Variants in ADGRV1 observed in about 807,000 individuals in gnomAD.
ADGRV1 encodes the protein G-protein coupled receptor 98.
A neutral mutation model predicts 596.2 loss-of-function variants in ADGRV1; 359 were observed. That is an observed-to-expected ratio of 0.60 (90% CI 0.55 to 0.66). The LOEUF (loss-of-function observed/expected upper bound fraction) is 0.66, where lower values mean the gene tolerates loss of function less well. Among genes scored for constraint, ADGRV1 ranks in the 30% least tolerant of loss-of-function variants. The pLI, the probability that ADGRV1 is intolerant of heterozygous loss-of-function variation, is 0.00. For synonymous variants in ADGRV1, 2,681 were observed against 2,679.2 expected, an observed-to-expected ratio of 1.00 and a Z score of -0.02; for missense variants, 7,274 against 7,575.6, an observed-to-expected ratio of 0.96 and a Z score of 1.48.
chr5:90,774,270 T>C lies in ADGRV1; in HGVS notation c.12370T>C (p.Ser4124Pro). ...EDRRFTIQLISIDEVEISPVK... is the reference protein window; with the variant it reads ...EDRRFTIQLIPIDEVEISPVK... The stretch of plus-strand genomic sequence containing the variant: ...CAGGCGTTTCACCATTCAGCTGATA[T>C]CAATTGATGAGGTAGAAATATCTCC... The change falls in exon 60 of 90, where the codon TCA becomes CCA. Residue 4124 changes from serine to proline, a missense_variant. Transcript: ENST00000405460. 1 of 1,599,748 alleles carries C rather than the reference T, an allele frequency of 6.3e-7. No individual in the cohort carries two copies. The highest frequency in any genetic ancestry group is 1.1e-5 in the South Asian group (1 of 90,758).
chr5:90,807,865 C>A, intron 73 of ADGRV1, 128 bp downstream of exon 73: 1 of 811,052 alleles, frequency 1.2e-6, no homozygotes, highest in Non-Finnish European at 1.8e-6. Flanking sequence ...TAGTGTAGAG[C>A]ATCACGTGGC....
chr5:91,080,588 CAAAAAAAA>C (rs10696264), intron 86 of ADGRV1, among the ~76,000 whole-genome samples: 37 of 84,466 alleles, frequency 4.4e-4, no homozygotes, highest in African/African-American at 1.6e-3. Flanking sequence ...GCACACCCTG[CAAAAAAAA>C]AAAAAAAAAA....
At chr5:90,562,773 A>G (rs1161688254) in intron 1 of ADGRV1, among the ~76,000 whole-genome samples, 1 of 152,240 alleles carries the variant, frequency 6.6e-6, no homozygotes, top group East Asian at 1.9e-4. Context: ...TAATACTCAC[A>G]AAATTATTAA....
chr5:90,597,663 A>G (rs1760865759), intron 1 of ADGRV1, among the ~76,000 whole-genome samples: 1 of 152,060 alleles, frequency 6.6e-6, no homozygotes. Flanking sequence ...CAGGCTGAGA[A>G]TGGGAAGTTG....
At chr5:90,635,517 G>C (rs1766072602) in intron 10 of ADGRV1, among the ~76,000 whole-genome samples, 4 of 152,138 alleles carry the variant, frequency 2.6e-5, no homozygotes, top group Admixed American at 2.6e-4. Context: ...CTCACAGTGA[G>C]TGTCGGATAT....
chr5:90,801,459 T>G (rs1030202356), intron 70 of ADGRV1, among the ~76,000 whole-genome samples: 1 of 151,972 alleles, frequency 6.6e-6, no homozygotes, highest in East Asian at 1.9e-4. Context: ...GCCAGTGACT[T>G]TCATGGGGGG....
intron 6 of ADGRV1, chr5:90,626,023 A>G (rs1764709359): frequency 6.6e-6 from 1 of 152,240 alleles, no homozygotes; most frequent in Non-Finnish European, 1.5e-5. Context: ...ATGAATCTGA[A>G]CAATAATGTG....
chr5:91,017,835 A>T (rs2151173830), intron 85 of ADGRV1, among the ~76,000 whole-genome samples: 1 of 151,956 alleles, frequency 6.6e-6, no homozygotes, highest in African/African-American at 2.4e-5. Context: ...AGCACTTTGA[A>T]CAAGTCCTCA....
chr5:90,609,993 T>G (rs898050209), intron 1 of ADGRV1, among the ~76,000 whole-genome samples: 1 of 152,020 alleles, frequency 6.6e-6, no homozygotes, highest in African/African-American at 2.4e-5. Context: ...TTTCATTGTC[T>G]TCTATTGGGT....
chr5:90,914,812 T>C (rs1773200930), intron 83 of ADGRV1, among the ~76,000 whole-genome samples: 1 of 152,166 alleles, frequency 6.6e-6, no homozygotes, highest in African/African-American at 2.4e-5. Flanking sequence ...ACATTCCTTT[T>C]CTAATAAGCA....
In ADGRV1 at chr5:91,104,080, T is replaced by C. The variant is rs544338482; in HGVS notation, c.18432+1740T>C. On this transcript the variant is annotated intron_variant, in intron 87 of 89. Coordinates refer to ENST00000405460, the MANE Select transcript of ADGRV1 (RefSeq NM_032119.4). ...ATTTTTCTTTGTATTGTTCTAATTT[T>C]TTTAATTTTGTCAATTAATTTTTTT... Among the ~76,000 whole-genome samples the C allele has an allele frequency of 7.2e-5, 11 of 152,320 alleles. No individual in the cohort carries two copies. The South Asian group carries it at 1.9e-3, about 26-fold the overall frequency.
At chr5:91,137,615 A>G (rs865938481) in intron 87 of ADGRV1, among the ~76,000 whole-genome samples, 1 of 152,240 alleles carries the variant, frequency 6.6e-6, no homozygotes, top group African/African-American at 2.4e-5. Flanking sequence ...AAAGATTAAA[A>G]TATTTGGAAG....
chr5:90,794,721 C>T (rs1289112915), intron 70 of ADGRV1, among the ~76,000 whole-genome samples: 1 of 152,168 alleles, frequency 6.6e-6, no homozygotes, highest in Non-Finnish European at 1.5e-5. Flanking sequence ...CTCTGGTCTG[C>T]AGCTCCCAGT....
At position 90,653,384 on chromosome 5, in the gene ADGRV1, C is replaced by A. The variant is rs765714920; in HGVS notation, c.3810C>A (p.Thr1270=). 1 of 1,613,884 alleles carries A rather than the reference C, an allele frequency of 6.2e-7. No individual in the cohort carries two copies. Among genetic ancestry groups the A allele is most frequent in the East Asian group, 2.2e-5 (1 of 44,876 alleles). Reference sequence around the variant, plus strand: ...ATATGTCTTATATTACCAACTTCACCATTTTGAGGCAGCAGGGTGTGTTTG... The same window carrying A: ...ATATGTCTTATATTACCAACTTCACAATTTTGAGGCAGCAGGGTGTGTTTG... The part of the protein sequence containing the change: ...EDDMSYITNF[T]ILRQQGVFGD... Residue 1270 remains threonine (T), a synonymous_variant, in exon 20 of 90, where the codon ACC becomes ACA. Coordinates refer to ENST00000405460, the MANE Select transcript of ADGRV1 (RefSeq NM_032119.4).
chr5:91,016,047 G>A (rs1459805620), intron 85 of ADGRV1, among the ~76,000 whole-genome samples: 1 of 151,932 alleles, frequency 6.6e-6, no homozygotes. Flanking sequence ...CTCTTGTAAG[G>A]CAGGTCTGAT....
intron 83 of ADGRV1, among the ~76,000 whole-genome samples, chr5:90,958,283 C>CAAAAAAAAAAAAAAAAAAAAAAAAA (rs34676985): frequency 1.4e-5 from 1 of 72,840 alleles, no homozygotes; most frequent in Non-Finnish European, 2.7e-5. Flanking sequence ...GACCTTGTCT[C>CAAAAAAAAAAAAAAAAAAAAAAAAA]AAAAAAAAAA....
intron 87 of ADGRV1, among the ~76,000 whole-genome samples, chr5:91,131,064 G>GTGC (rs1433570396): frequency 2.0e-5 from 3 of 152,346 alleles, no homozygotes; most frequent in African/African-American, 7.2e-5. Flanking sequence ...ATTGTGAATA[G>GTGC]TGCTGTGATA....
chr5:90,610,940 T>C (rs188160315), intron 1 of ADGRV1, among the ~76,000 whole-genome samples: 7 of 152,104 alleles, frequency 4.6e-5, no homozygotes, highest in South Asian at 2.1e-4. Flanking sequence ...ATTATCACAA[T>C]CCCAAATACA....
chr5:90,711,358 A>C lies in ADGRV1; in HGVS notation c.9042+36A>C, dbSNP rs199757407. The C allele has an allele frequency of 4.1e-5, 62 of 1,516,596 alleles. No homozygotes were observed. In the African/African-American group the frequency reaches 6.2e-4, roughly 15 times the overall value. 93.9% of individuals were successfully genotyped at this position (1,516,596 alleles called of 1,614,324 possible). A position where few individuals can be genotyped will look rare whatever the true frequency, so the allele number is the denominator to read the frequency against. Reference sequence around the variant, plus strand: ...AAATCTATCACAGATGACTTTTACAAATTATTTTATAATCATTATTCCTTG... The same window carrying C: ...AAATCTATCACAGATGACTTTTACACATTATTTTATAATCATTATTCCTTG... On this transcript the variant is annotated intron_variant, in intron 41 of 89. Coordinates refer to ENST00000405460, the MANE Select transcript of ADGRV1 (RefSeq NM_032119.4).
Sources: gnomAD v4.1 joint callset for allele counts (sites outside exome capture counted in the v4.1 genomes callset) on GRCh38, gnomAD v4.1.1 for gene constraint, MANE v1.5 for transcripts, NCBI Gene and HGNC (gene_info 2026-07-23, HGNC 2026-07-21) for gene names.